Variants in TNFAIP8L1 observed in about 807,000 individuals in gnomAD.
TNFAIP8L1 encodes the protein tumor necrosis factor alpha-induced protein 8-like protein 1.
For missense variants in TNFAIP8L1, 225 were observed against 266.1 expected (o/e 0.85, Z 1.08); for synonymous variants, 127 against 125.6 (o/e 1.01, Z -0.08).
Position 4,645,340 on chromosome 19 carries a change from G to A in TNFAIP8L1, c.-4+5711G>A, listed in dbSNP as rs986036445. On this transcript the variant is annotated intron_variant, in intron 1 of 1. Coordinates refer to ENST00000327473, the MANE Select transcript of TNFAIP8L1 (RefSeq NM_152362.3). The surrounding 1 kb of genome is among the most constrained non-coding windows in gnomAD (Gnocchi z 4.1). ...AGGCGAGTAGATCACTTGAGGCCGG[G>A]AGTTAGAGACCAGCCTGGCCGACAT... Among the ~76,000 whole-genome samples, 2 of 146,732 alleles carry A rather than the reference G, an allele frequency of 1.4e-5. No individual in the cohort carries two copies. Among genetic ancestry groups the A allele is most frequent in the African/African-American group, 5.3e-5 (2 of 37,636 alleles).
rs2088382888 is a variant in TNFAIP8L1 at position 4,652,813 on chromosome 19, G to A, written c.*383G>A. 1 of 227,800 alleles carries A rather than the reference G, an allele frequency of 4.4e-6. No individual in the cohort carries two copies. Among genetic ancestry groups the A allele is most frequent in the Admixed American group, 5.8e-5 (1 of 17,300 alleles). The allele number at this position is 227,800 out of a possible 1,614,324, so 14.1% of individuals were successfully genotyped here. ...TTCATCCCTCGCACAAGGACTACGG[G>A]TTCACACGGTGAACTGGGGGAAGGG... On this transcript the variant is annotated 3_prime_UTR_variant, in exon 2 of 2. Transcript: ENST00000327473.
intron 1 of TNFAIP8L1, among the ~76,000 whole-genome samples, chr19:4,643,239 G>A (rs1020573978): frequency 5.3e-5 from 8 of 150,724 alleles, no homozygotes; most frequent in Admixed American, 2.0e-4. Flanking sequence ...AGATCACGCC[G>A]CTGCACTCCA....
chr19:4,650,749 C>T (rs1395293426), intron 1 of TNFAIP8L1, among the ~76,000 whole-genome samples: 1 of 152,166 alleles, frequency 6.6e-6, no homozygotes, highest in Non-Finnish European at 1.5e-5. Context: ...TTCCCAGAAA[C>T]CCCACAAATG....
chr19:4,646,646 T>A (rs2145168427), intron 1 of TNFAIP8L1, among the ~76,000 whole-genome samples: 1 of 152,012 alleles, frequency 6.6e-6, no homozygotes, highest in East Asian at 1.9e-4. Flanking sequence ...TTTTTTTTTT[T>A]TTGAGATGGA....
Position 4,653,721 on chromosome 19 carries a change from G to T in TNFAIP8L1, c.*1291G>T, listed in dbSNP as rs913084134. ...AGGGAGGCGGAGGTTGCAGTGAGCC[G>T]AGATTGCACCACTGCACTTCAGCCT... On this transcript the variant is annotated 3_prime_UTR_variant, in exon 2 of 2. Coordinates refer to ENST00000327473, the MANE Select transcript of TNFAIP8L1 (RefSeq NM_152362.3). The T allele has an allele frequency of 7.3e-6, 1 of 137,440 alleles. No individual in the cohort carries two copies. The highest frequency in any genetic ancestry group is 1.5e-5 in the Non-Finnish European group (1 of 65,422). The allele number at this position is 137,440 out of a possible 1,614,324, so 8.5% of individuals were successfully genotyped here. A position where few individuals can be genotyped will look rare whatever the true frequency, so the allele number is the denominator to read the frequency against.
intron 1 of TNFAIP8L1, among the ~76,000 whole-genome samples, chr19:4,651,186 C>A (rs1204691309): frequency 3.3e-5 from 5 of 151,574 alleles, no homozygotes; most frequent in Non-Finnish European, 7.4e-5. Context: ...GGGGATGGAA[C>A]GGAACCCCCT....
chr19:4,643,675 T>C (rs1039273989), intron 1 of TNFAIP8L1, among the ~76,000 whole-genome samples: 4 of 152,196 alleles, frequency 2.6e-5, no homozygotes, highest in East Asian at 3.9e-4. Flanking sequence ...TGGCGGCTCA[T>C]GCCTGTAATC....
rs58019387 is a variant in TNFAIP8L1 at position 4,645,706 on chromosome 19, CAAA to C, written c.-4+6092_-4+6094del. ...GAGGCTGAGGCAGGAGGATCCGTCT[CAAA>C]AAAAAAAAAAAAAAGGAATATAGGG... On this transcript the variant is annotated intron_variant, in intron 1 of 1. Transcript: ENST00000327473. This position sits in a 1 kb window ranked among gnomAD's most constrained non-coding sequence, Gnocchi z 4.1. Among the ~76,000 whole-genome samples the C allele has an allele frequency of 1.1e-4, 10 of 92,808 alleles. No individual in the cohort carries two copies. The highest frequency in any genetic ancestry group is 2.4e-4 in the Admixed American group (2 of 8,336). 60.9% of individuals were successfully genotyped at this position (92,808 alleles called of 152,430 possible).
At position 4,654,650 on chromosome 19, in the gene TNFAIP8L1, A is replaced by G. The variant is rs1348505921; in HGVS notation, c.*2220A>G. ...TGATTTCATATTTGGAGAATCAGCAACCAACCAGCCAACCATGTTGCTTTT... is the reference window on the plus strand; with the variant it reads ...TGATTTCATATTTGGAGAATCAGCAGCCAACCAGCCAACCATGTTGCTTTT... On this transcript the variant is annotated 3_prime_UTR_variant, in exon 2 of 2. Transcript: ENST00000327473. 2.6e-5 allele frequency: 4 copies of G among 152,246 alleles called. No homozygotes were observed. Among genetic ancestry groups the G allele is most frequent in the Non-Finnish European group, 5.9e-5 (4 of 68,046 alleles). The allele number at this position is 152,246 out of a possible 1,614,324, so 9.4% of individuals were successfully genotyped here. A position where few individuals can be genotyped will look rare whatever the true frequency, so the allele number is the denominator to read the frequency against.
rs756885938 is a variant in TNFAIP8L1, at chr19:4,645,239, C to T, written c.-4+5610C>T. Among the ~76,000 whole-genome samples, 11 of 152,136 alleles carry T rather than the reference C, an allele frequency of 7.2e-5. No homozygotes were observed. Among genetic ancestry groups the T allele is most frequent in the Non-Finnish European group, 1.0e-4 (7 of 68,046 alleles). On this transcript the variant is annotated intron_variant, in intron 1 of 1. Coordinates refer to ENST00000327473, the MANE Select transcript of TNFAIP8L1 (RefSeq NM_152362.3). This position sits in a 1 kb window ranked among gnomAD's most constrained non-coding sequence, Gnocchi z 4.1. Reference sequence around the variant, plus strand: ...GTAGTTAAACGCAGCCATTATTTAACGTGGGAGAATATAAACTTATAGTTA... The same window carrying T: ...GTAGTTAAACGCAGCCATTATTTAATGTGGGAGAATATAAACTTATAGTTA...
chr19:4,652,763 C>T lies in TNFAIP8L1; in HGVS notation c.*333C>T. Reference sequence around the variant, plus strand: ...GTAAAAGCCAAAAGCTGCTGCCTCCCACTTGGATCATGTCGCCTGGGATTT... The same window carrying T: ...GTAAAAGCCAAAAGCTGCTGCCTCCTACTTGGATCATGTCGCCTGGGATTT... On this transcript the variant is annotated 3_prime_UTR_variant, in exon 2 of 2. Coordinates refer to ENST00000327473, the MANE Select transcript of TNFAIP8L1 (RefSeq NM_152362.3). 3.2e-6 allele frequency: 1 copy of T among 308,252 alleles called. No homozygotes were observed. The highest frequency in any genetic ancestry group is 6.3e-6 in the Non-Finnish European group (1 of 159,522). 19.1% of individuals were successfully genotyped at this position (308,252 alleles called of 1,614,324 possible).
chr19:4,649,568 T>C (rs1206953463), intron 1 of TNFAIP8L1, among the ~76,000 whole-genome samples: 1 of 151,720 alleles, frequency 6.6e-6, no homozygotes, highest in Non-Finnish European at 1.5e-5. Context: ...GCACAGGGAG[T>C]TGGGGTTCAA....
chr19:4,649,412 C>T (rs192313770), intron 1 of TNFAIP8L1, among the ~76,000 whole-genome samples: 3 of 152,238 alleles, frequency 2.0e-5, no homozygotes, highest in East Asian at 1.9e-4. Flanking sequence ...GGACAAAGTT[C>T]GTTCCGATCT....
intron 1 of TNFAIP8L1, among the ~76,000 whole-genome samples, chr19:4,648,683 G>C (rs988924561): frequency 2.0e-5 from 3 of 152,196 alleles, no homozygotes; most frequent in African/African-American, 7.2e-5. Context: ...AACTTCTTCA[G>C]CCTCAGGACT....
At chr19:4,651,826 C>G (rs776943931) in intron 1 of TNFAIP8L1, 41 bp from the exon 2 acceptor site, 1 of 1,544,924 alleles carries the variant, frequency 6.5e-7, no homozygotes, top group Non-Finnish European at 8.8e-7. Context: ...TGAGGAGTGC[C>G]CCAACGTGCA....
intron 1 of TNFAIP8L1, among the ~76,000 whole-genome samples, chr19:4,644,998 GC>G (rs540001884): frequency 6.6e-6 from 1 of 152,108 alleles, no homozygotes; most frequent in Non-Finnish European, 1.5e-5. Flanking sequence ...GAGGCCTGAG[GC>G]CCCCCCTGGG....
At chr19:4,640,973 C>G (rs1288564945) in intron 1 of TNFAIP8L1, 4 of 146,680 alleles carry the variant, frequency 2.7e-5, no homozygotes, top group African/African-American at 9.9e-5. Context: ...TGGCCAGAGG[C>G]TGGAGCAGCC....
intron 1 of TNFAIP8L1, among the ~76,000 whole-genome samples, chr19:4,643,993 G>A (rs907895817): frequency 6.6e-6 from 1 of 152,058 alleles, no homozygotes; most frequent in African/African-American, 2.4e-5. Flanking sequence ...GGCCGAGGCG[G>A]GTGGATCACC....
chr19:4,641,713 G>A lies in TNFAIP8L1; in HGVS notation c.-4+2084G>A, dbSNP rs566299111. The A allele has an allele frequency of 1.4e-4, 22 of 152,300 alleles. No homozygotes were observed. Among genetic ancestry groups the A allele is most frequent in the African/African-American group, 5.3e-4 (22 of 41,566 alleles). The allele number at this position is 152,300 out of a possible 1,614,324, so 9.4% of individuals were successfully genotyped here. On this transcript the variant is annotated intron_variant, in intron 1 of 1. Transcript: ENST00000327473. The surrounding 1 kb of genome is among the most constrained non-coding windows in gnomAD (Gnocchi z 4.6). The stretch of plus-strand genomic sequence containing the variant: ...TTCAACAAGATATTGTTAAAAGCCC[G>A]AGGAGGGGATTACAGGACACAGTAC...
Sources: allele counts gnomAD v4.1 joint callset (sites outside exome capture counted in the v4.1 genomes callset), GRCh38; gene constraint gnomAD v4.1.1; non-coding constraint Gnocchi (gnomAD v3.1); transcripts MANE v1.5; gene names NCBI Gene and HGNC (gene_info 2026-07-23, HGNC 2026-07-21).